The following RGS6 variants were observed in gnomAD, a reference collection of about 807,000 sequenced individuals.
RGS6 encodes regulator of G protein signaling 6, also known as regulator of G-protein signaling 6.
RGS6 carries 30 observed loss-of-function variants against 78.5 expected under a neutral mutation model. The ratio of observed to expected loss-of-function variants is 0.38; its 90% CI spans 0.29 to 0.52. The LOEUF (loss-of-function observed/expected upper bound fraction) is 0.52. Among genes scored for constraint, RGS6 ranks in the 20% least tolerant of loss-of-function variants. RGS6 has a pLI of 0.85. For synonymous variants in RGS6, 206 were observed against 206.0 expected, an observed-to-expected ratio of 1.00 and a Z score of 0.00; for missense variants, 495 against 609.7, an observed-to-expected ratio of 0.81 and a Z score of 1.98.
chr14:71,931,447 T>C (rs563946672), upstream of RGS6, among the ~76,000 whole-genome samples: 10 of 152,210 alleles, frequency 6.6e-5, no homozygotes, highest in Non-Finnish European at 1.3e-4. Context: ...TTAATCAATG[T>C]AGAATGGCGG....
intron 2 of RGS6, among the ~76,000 whole-genome samples, chr14:72,235,188 C>A (rs771239431): frequency 4.6e-5 from 7 of 152,084 alleles, no homozygotes; most frequent in Non-Finnish European, 1.0e-4. Context: ...TAGGAGTATG[C>A]GTGGATTGAA....
At chr14:71,881,871 T>C in the RGS6 span, among the ~76,000 whole-genome samples, 1 of 152,182 alleles carries the variant, frequency 6.6e-6, no homozygotes, top group African/African-American at 2.4e-5. Context: ...CTTTCTTCTC[T>C]TCCTCCCTCC....
intron 2 of RGS6, among the ~76,000 whole-genome samples, chr14:72,100,378 C>G (rs1286070603): frequency 1.3e-5 from 2 of 152,042 alleles, no homozygotes; most frequent in East Asian, 3.9e-4. Flanking sequence ...ACCTGTAATC[C>G]CAGCTACTCG....
chr14:72,218,480 T>C (rs576077745), intron 2 of RGS6, among the ~76,000 whole-genome samples: 3 of 150,894 alleles, frequency 2.0e-5, no homozygotes, highest in East Asian at 1.9e-4. Context: ...AATTAATATG[T>C]TGTATCAGTA....
intron 15 of RGS6, among the ~76,000 whole-genome samples, chr14:72,522,078 A>G (rs2097051882): frequency 6.6e-6 from 1 of 152,230 alleles, no homozygotes. Context: ...CTGCTACCAC[A>G]AAATAGCACA....
chr14:72,450,359 A>T (rs537581599), intron 3 of RGS6, among the ~76,000 whole-genome samples: 1 of 152,332 alleles, frequency 6.6e-6, no homozygotes, highest in East Asian at 1.9e-4. Context: ...TATAAAAGAC[A>T]TAATTGAAAT....
At chr14:72,334,146 G>A (rs571670939) in intron 2 of RGS6, among the ~76,000 whole-genome samples, 7 of 152,330 alleles carry the variant, frequency 4.6e-5, no homozygotes, top group Admixed American at 1.3e-4. Context: ...AAGAGGCCCC[G>A]TGGGAACGGA....
intron 17 of RGS6, among the ~76,000 whole-genome samples, chr14:72,558,469 A>C (rs2097618674): frequency 6.6e-6 from 1 of 152,172 alleles, no homozygotes; most frequent in African/African-American, 2.4e-5. Flanking sequence ...GGTAACCCAG[A>C]TAGTGCATGC....
chr14:71,958,611 T>C (rs1254799024), intron 1 of RGS6, among the ~76,000 whole-genome samples: 1 of 149,894 alleles, frequency 6.7e-6, no homozygotes, highest in East Asian at 2.0e-4. Flanking sequence ...AGAACCTTGT[T>C]GTATCCATTT....
chr14:72,489,306 C>T (rs146234726), intron 12 of RGS6, among the ~76,000 whole-genome samples: 271 of 152,324 alleles, frequency 1.8e-3, no homozygotes, highest in African/African-American at 5.8e-3. Context: ...AACAGGATTT[C>T]GGTTTTCTGC....
intron 2 of RGS6, among the ~76,000 whole-genome samples, chr14:72,331,748 G>A (rs1278418363): frequency 6.6e-6 from 1 of 151,984 alleles, no homozygotes; most frequent in Non-Finnish European, 1.5e-5. Context: ...CTTCTTCAAG[G>A]CCACTCACCC....
chr14:72,393,455 G>A lies in RGS6; in HGVS notation c.184+41261G>A, dbSNP rs1254508394. Among the ~76,000 whole-genome samples, 7 of 152,168 alleles carry A rather than the reference G, an allele frequency of 4.6e-5. 1 individual carries two copies. Among genetic ancestry groups the A allele is most frequent in the Non-Finnish European group, 1.0e-4 (7 of 68,028 alleles). On this transcript the variant is annotated intron_variant, in intron 3 of 17. Transcript: ENST00000553525. ...CCCAGGTGATTCCAAGGTACAACCA[G>A]AGTCTAGAACCAGGGATCTAGTCTA...
intron 2 of RGS6, among the ~76,000 whole-genome samples, chr14:72,112,086 G>A (rs761199872): frequency 3.9e-4 from 59 of 152,144 alleles, no homozygotes; most frequent in African/African-American, 2.7e-4. Context: ...TAAAATGTAC[G>A]AGGTTTATTC....
At chr14:71,923,127 A>G in the RGS6 span, among the ~76,000 whole-genome samples, 1 of 152,200 alleles carries the variant, frequency 6.6e-6, no homozygotes, top group Non-Finnish European at 1.5e-5. Context: ...TATCATGGCC[A>G]CAGAAATGGA....
chr14:72,456,400 C>T (rs2095631803), intron 4 of RGS6, among the ~76,000 whole-genome samples: 1 of 152,236 alleles, frequency 6.6e-6, no homozygotes. Context: ...AAGCCATCTT[C>T]CACCTCAGTC....
intron 3 of RGS6, among the ~76,000 whole-genome samples, chr14:72,366,396 A>G (rs951953256): frequency 1.3e-5 from 2 of 152,218 alleles, no homozygotes; most frequent in Non-Finnish European, 2.9e-5. Context: ...AACCATTAGA[A>G]TATAATCTCT....
At chr14:72,579,246 A>G in the RGS6 span, among the ~76,000 whole-genome samples, 1 of 152,170 alleles carries the variant, frequency 6.6e-6, no homozygotes, top group African/African-American at 2.4e-5. Context: ...TTCCATGACC[A>G]CCACCTGGAA....
At chr14:72,341,759 T>C (rs956810084) in intron 2 of RGS6, among the ~76,000 whole-genome samples, 2 of 152,204 alleles carry the variant, frequency 1.3e-5, no homozygotes, top group Admixed American at 6.5e-5. Context: ...AGAGATAATT[T>C]ACATCAATTA....
rs192938165 is a variant in RGS6, at chr14:72,298,478, C to T, written c.85-53617C>T. On this transcript the variant is annotated intron_variant, in intron 2 of 17. Transcript: ENST00000553525. ...TTTCCCCCCCTCTGAGACAGAGTCT[C>T]GCTCTGTCGCCCAGGCTGGAGTGCA... Among the ~76,000 whole-genome samples, 759 of 133,554 alleles carry T rather than the reference C, an allele frequency of 5.7e-3. 6 individuals carry two copies. Among genetic ancestry groups the T allele is most frequent in the African/African-American group, 0.019 (657 of 35,352 alleles). The allele number at this position is 133,554 out of a possible 152,430, so 87.6% of individuals were successfully genotyped here.
Sources: allele counts gnomAD v4.1 joint callset (sites outside exome capture counted in the v4.1 genomes callset), GRCh38; gene constraint gnomAD v4.1.1; transcripts MANE v1.5; gene names NCBI Gene and HGNC (gene_info 2026-07-23, HGNC 2026-07-21).